The following SI variants were observed in gnomAD, a reference collection of about 807,000 sequenced individuals.
The protein encoded by SI is sucrase-isomaltase.
SI carries 235 observed loss-of-function variants against 253.3 expected under a neutral mutation model. The observed-to-expected ratio is 0.93, with a 90% confidence interval of 0.83 to 1.03. SI has a LOEUF of 1.03. Among genes scored for constraint, SI ranks in the 50% least tolerant of loss-of-function variants. The pLI, the probability that SI is intolerant of heterozygous loss-of-function variation, is 0.00. For missense variants in SI, 2,442 were observed against 2,211.1 expected, an observed-to-expected ratio of 1.10 and a Z score of -2.09; for synonymous variants, 819 against 712.0, an observed-to-expected ratio of 1.15 and a Z score of -2.39.
intron 44 of SI, 141 bp from the exon 45 acceptor site, chr3:164,987,367 AT>A (rs1717488331): frequency 1.5e-6 from 1 of 687,364 alleles, no homozygotes. Context: ...AAATTAAAGC[AT>A]TTCCATTTTT....
intron 2 of SI, among the ~76,000 whole-genome samples, chr3:165,074,886 T>G (rs1314058424): frequency 6.6e-6 from 1 of 152,004 alleles, no homozygotes; most frequent in Admixed American, 6.6e-5. Flanking sequence ...AGAATCCTAT[T>G]GACTGTTTCT....
the SI span, among the ~76,000 whole-genome samples, chr3:165,089,914 A>AAG: frequency 3.3e-5 from 5 of 152,090 alleles, no homozygotes; most frequent in Admixed American, 1.3e-4. Context: ...AGAGAGAAAC[A>AAG]AGAGAGAGAG....
intron 9 of SI, among the ~76,000 whole-genome samples, chr3:165,060,663 G>T (rs949187518): frequency 2.7e-5 from 4 of 150,768 alleles, no homozygotes; most frequent in African/African-American, 9.7e-5. Context: ...CAGTGCAAGA[G>T]AATATCAGTG....
Position 165,006,841 on chromosome 3 carries a change from A to G in SI, c.4381T>C (p.Trp1461Arg), listed in dbSNP as rs753208785. 8.1e-6 allele frequency: 13 copies of G among 1,612,928 alleles called. No homozygotes were observed. The South Asian group carries it at 1.4e-4, about 18-fold the overall frequency. The change falls in exon 37 of 48, where the codon TGG becomes CGG. Residue 1461 changes from tryptophan (W) to arginine (R), a missense_variant. Transcript: ENST00000264382. ...TCATGAGTAGGTTTCATCTGTGACC[A>G]TCCATAGAGATTGTGAACATCGTAA... Reference protein sequence around the residue: ...LHYDVHNLYGWSQMKPTHDAL... With the variant: ...LHYDVHNLYGRSQMKPTHDAL...
chr3:165,058,131 A>G (rs1051674541), intron 12 of SI, among the ~76,000 whole-genome samples: 7 of 152,080 alleles, frequency 4.6e-5, no homozygotes, highest in Middle Eastern at 3.4e-3. Flanking sequence ...AATAACAAGA[A>G]TAACTTTGGA....
intron 12 of SI, among the ~76,000 whole-genome samples, chr3:165,058,605 C>T (rs1713817624): frequency 6.6e-6 from 1 of 151,672 alleles, no homozygotes. Flanking sequence ...CAACAGATAA[C>T]ACAGAAATGT....
chr3:165,030,083 C>T (rs150613110), intron 25 of SI, among the ~76,000 whole-genome samples: 3 of 150,858 alleles, frequency 2.0e-5, no homozygotes, highest in Non-Finnish European at 4.5e-5. Flanking sequence ...ATAACAGATG[C>T]ATTTAGTTAT....
At chr3:165,038,519 C>A in intron 20 of SI, among the ~76,000 whole-genome samples, 1 of 149,270 alleles carries the variant, frequency 6.7e-6, no homozygotes, top group East Asian at 2.0e-4. Flanking sequence ...ACTATCCTGG[C>A]CAACATGGTG....
intron 38 of SI, among the ~76,000 whole-genome samples, chr3:164,998,264 T>G (rs909495074): frequency 1.3e-5 from 2 of 151,814 alleles, no homozygotes; most frequent in Non-Finnish European, 2.9e-5. Context: ...CTCTAGACCT[T>G]ATCTTTGCCA....
chr3:165,071,155 G>A (rs1033228002), intron 3 of SI, among the ~76,000 whole-genome samples: 1 of 151,948 alleles, frequency 6.6e-6, no homozygotes, highest in African/African-American at 2.4e-5. Flanking sequence ...CTCATATTCT[G>A]CGATTCCAAG....
chr3:164,979,224 C>T lies in SI; in HGVS notation c.*138G>A, dbSNP rs1717061396. On this transcript the variant is annotated 3_prime_UTR_variant, in exon 48 of 48. Transcript: ENST00000264382. ...AAATTAGCATTATCATTGATGTACG[C>T]TACAAAATAACTTTTCGATGTTATG... 1 of 692,250 alleles carries T rather than the reference C, an allele frequency of 1.4e-6. No homozygotes were observed. Among genetic ancestry groups the T allele is most frequent in the Non-Finnish European group, 2.7e-6 (1 of 377,206 alleles). 42.9% of individuals were successfully genotyped at this position (692,250 alleles called of 1,614,324 possible). A position where few individuals can be genotyped will look rare whatever the true frequency, so the allele number is the denominator to read the frequency against.
At chr3:165,039,476 T>A (rs1712704782) in intron 19 of SI, among the ~76,000 whole-genome samples, 1 of 152,088 alleles carries the variant, frequency 6.6e-6, no homozygotes, top group East Asian at 1.9e-4. Context: ...AAATAGGTAA[T>A]AATTACCAAC....
intron 22 of SI, among the ~76,000 whole-genome samples, chr3:165,034,512 T>C (rs1424746135): frequency 6.6e-6 from 1 of 152,030 alleles, no homozygotes; most frequent in Non-Finnish European, 1.5e-5. Flanking sequence ...ACAAAACTTC[T>C]ATGTACTAAG....
chr3:165,049,184 C>A lies in SI; in HGVS notation c.1658G>T (p.Gly553Val), dbSNP rs1468782357. Reference sequence around the variant, plus strand: ...GAGGCTATGAACATCATACTGTTTACCCCAGTTCTGCACAGCATCCATGCA... The same window carrying A: ...GAGGCTATGAACATCATACTGTTTAACCCAGTTCTGCACAGCATCCATGCA... ...TICMDAVQNW[G>V]KQYDVHSLYG... Residue 553 changes from glycine to valine, a missense_variant, in exon 15 of 48, where the codon GGT (glycine) becomes GTT (valine). By Grantham distance (109) the Gly-to-Val change is moderately radical. Transcript: ENST00000264382. The A allele has an allele frequency of 1.2e-6, 2 of 1,612,452 alleles. No individual in the cohort carries two copies. The highest frequency in any genetic ancestry group is 1.7e-6 in the Non-Finnish European group (2 of 1,178,926).
intron 10 of SI, 141 bp from the exon 11 acceptor site, chr3:165,059,440 G>A (rs750530752): frequency 7.2e-5 from 60 of 833,554 alleles, no homozygotes; most frequent in Non-Finnish European, 1.1e-4. Flanking sequence ...TTTCACTAAA[G>A]AAGCAATTGT....
chr3:165,020,402 A>G (rs1336249129), intron 27 of SI, among the ~76,000 whole-genome samples: 1 of 151,732 alleles, frequency 6.6e-6, no homozygotes, highest in Non-Finnish European at 1.5e-5. Flanking sequence ...AAGTATTACA[A>G]GTAATCTGGG....
In SI at chr3:165,017,630, A is replaced by G. The variant is rs1719100696; in HGVS notation, c.3677T>C (p.Phe1226Ser). Residue 1226 changes from phenylalanine to serine, a missense_variant, in exon 31 of 48, where the codon TTC (phenylalanine) becomes TCC (serine). Phe to Ser is a radical substitution (Grantham distance 155). Transcript: ENST00000264382. Reference sequence around the variant, plus strand: ...TGCATATCCATAACGACATAATTGGAATCCCAAAGCCCAATAAGCTGGCAT... The same window carrying G: ...TGCATATCCATAACGACATAATTGGGATCCCAAAGCCCAATAAGCTGGCAT... Reference protein sequence around the residue: ...PVMPAYWALGFQLCRYGYANT... With the variant: ...PVMPAYWALGSQLCRYGYANT... 6.2e-7 allele frequency: 1 copy of G among 1,612,866 alleles called. No individual in the cohort carries two copies. Among genetic ancestry groups the G allele is most frequent in the Non-Finnish European group, 8.5e-7 (1 of 1,179,134 alleles).
rs1244927437 is a variant in SI, at chr3:165,030,726, A to C, written c.2878T>G (p.Cys960Gly). The change falls in exon 25 of 48, where the codon TGT becomes GGT. Residue 960 changes from cysteine to glycine, a missense_variant. Coordinates refer to ENST00000264382, the MANE Select transcript of SI (RefSeq NM_001041.4). ...ATTATTATTACCGTTCTCCATACAC[A>C]GCCACGTTGTGTGCACTTTTGTTCA... is the stretch of plus-strand genomic sequence containing the variant. ...ATEQKCTQRG[C>G]VWRTGSSLSK... is the part of the protein sequence containing the mutation. 6.2e-7 allele frequency: 1 copy of C among 1,608,852 alleles called. No homozygotes were observed. The highest frequency in any genetic ancestry group is 1.7e-5 in the Admixed American group (1 of 59,544).
At chr3:165,025,178 A>G (rs982190928) in intron 25 of SI, among the ~76,000 whole-genome samples, 1 of 151,172 alleles carries the variant, frequency 6.6e-6, no homozygotes, top group Non-Finnish European at 1.5e-5. Flanking sequence ...TGATGATATC[A>G]TGCTACCACA....
Sources: gnomAD v4.1 joint callset for allele counts (sites outside exome capture counted in the v4.1 genomes callset) on GRCh38, gnomAD v4.1.1 for gene constraint, MANE v1.5 for transcripts, NCBI Gene and HGNC (gene_info 2026-07-23, HGNC 2026-07-21) for gene names.